The following MB variants were observed in gnomAD, a reference collection of about 807,000 sequenced individuals.
The protein encoded by MB is nitrite reductase MB.
MB carries 10 observed loss-of-function variants against 14.5 expected under a neutral mutation model. The observed-to-expected ratio is 0.69, with a 90% CI of 0.43 to 1.17. MB has a LOEUF of 1.17. Among genes scored for constraint, MB ranks in the 50% most tolerant of loss-of-function variants. MB has a pLI of 0.00. For synonymous variants in MB, 89 were observed against 78.6 expected (o/e 1.13, Z -0.70); for missense variants, 169 against 192.7 (o/e 0.88, Z 0.73).
intron 1 of MB, 88 bp from the exon 2 acceptor site, chr22:35,611,194 T>C: frequency 1.1e-6 from 1 of 901,198 alleles, no homozygotes; most frequent in Non-Finnish European, 1.8e-6. Context: ...TTTAGCTCCC[T>C]GTCTTCCCAG....
intron 1 of MB, among the ~76,000 whole-genome samples, chr22:35,613,516 G>A (rs529182806): frequency 6.6e-6 from 1 of 152,264 alleles, no homozygotes; most frequent in East Asian, 1.9e-4. Context: ...ATTTTTTTGA[G>A]ACACGGTATT....
intron 1 of MB, among the ~76,000 whole-genome samples, chr22:35,616,116 A>G (rs927472907): frequency 1.3e-5 from 2 of 152,216 alleles, no homozygotes; most frequent in African/African-American, 4.8e-5. Context: ...AGTGCCAAAG[A>G]CAATCCATTC....
intron 1 of MB, chr22:35,622,367 C>T (rs1247926884): frequency 6.6e-6 from 1 of 152,312 alleles, no homozygotes; most frequent in Admixed American, 6.5e-5. Flanking sequence ...GTTGCAGGAC[C>T]TGCTCAAGGC....
Position 35,610,896 on chromosome 22 carries a change from C to A in MB, c.306G>T (p.Val102=). ...QSHATKHKIP[V]KYLEFISECI... ...GCTCTGCTCCTACCTCCAGGTACTTCACGGGGATCTTGTGCTTGGTGGCAT... is the reference window on the plus strand; with the variant it reads ...GCTCTGCTCCTACCTCCAGGTACTTAACGGGGATCTTGTGCTTGGTGGCAT... The change falls in exon 2 of 3, where the codon GTG becomes GTT. Residue 102 remains valine, a synonymous_variant. Coordinates refer to ENST00000397326, the MANE Select transcript of MB (RefSeq NM_005368.3). 1 of 1,613,974 alleles carries A rather than the reference C, an allele frequency of 6.2e-7. No individual in the cohort carries two copies. Among genetic ancestry groups the A allele is most frequent in the Non-Finnish European group, 8.5e-7 (1 of 1,179,938 alleles).
intron 1 of MB, among the ~76,000 whole-genome samples, chr22:35,613,199 G>A (rs1235952240): frequency 6.6e-6 from 1 of 152,274 alleles, no homozygotes; most frequent in African/African-American, 2.4e-5. Context: ...TCAGGACGCT[G>A]AAAGCAGACT....
intron 2 of MB, 71 bp from the exon 3 acceptor site, chr22:35,607,514 G>A (rs542442158): frequency 6.8e-7 from 1 of 1,466,620 alleles, no homozygotes. Context: ...GGAGTCAGTT[G>A]TCCTCCTACC....
At chr22:35,611,132 C>T (rs552015596) in intron 1 of MB, 26 bp from the exon 2 acceptor site, 21 of 1,572,580 alleles carry the variant, frequency 1.3e-5, no homozygotes, top group South Asian at 5.6e-5. Context: ...AGGCTGGAGT[C>T]GGCATGGGAG....
chr22:35,609,387 A>G (rs1922403592), intron 2 of MB, among the ~76,000 whole-genome samples: 1 of 152,222 alleles, frequency 6.6e-6, no homozygotes, highest in Non-Finnish European at 1.5e-5. Context: ...GTGGATGAAC[A>G]GGGATTTGCA....
Position 35,608,769 on chromosome 22 carries a change from C to T in MB, c.319-1326G>A, listed in dbSNP as rs1922344652. Among the ~76,000 whole-genome samples the T allele has an allele frequency of 6.6e-6, 1 of 152,216 alleles. No homozygotes were observed. Among genetic ancestry groups the T allele is most frequent in the Non-Finnish European group, 1.5e-5 (1 of 68,034 alleles). ...GGCCTGGTTGGGCCCCCAGCTCAGA[C>T]TTTCTGGAGTCCATGGCAGAGCCAC... On this transcript the variant is annotated intron_variant, in intron 2 of 2. Coordinates refer to ENST00000397326, the MANE Select transcript of MB (RefSeq NM_005368.3). The surrounding 1 kb of genome is among the most constrained non-coding windows in gnomAD (Gnocchi z 4.3).
chr22:35,614,710 T>C (rs1279272997), intron 1 of MB, among the ~76,000 whole-genome samples: 2 of 147,600 alleles, frequency 1.4e-5, no homozygotes, highest in African/African-American at 5.1e-5. Flanking sequence ...ATGGTTGCTG[T>C]CTTTCTCCTC....
chr22:35,607,768 G>A (rs1003953366), intron 2 of MB, among the ~76,000 whole-genome samples: 109 of 152,328 alleles, frequency 7.2e-4, no homozygotes, highest in African/African-American at 2.5e-3. Context: ...CCATCAGGAT[G>A]TAGACCCCAC....
At chr22:35,616,334 G>C (rs908006655) in intron 1 of MB, among the ~76,000 whole-genome samples, 3 of 152,092 alleles carry the variant, frequency 2.0e-5, no homozygotes, top group Non-Finnish European at 2.9e-5. Flanking sequence ...TCAGAATTTT[G>C]TTTTCTTTGG....
In MB at chr22:35,615,876, A is replaced by T. The variant is rs556736555; in HGVS notation, c.95+1287T>A. ...AGGAGAAGAAAGACATAAACACACT[A>T]CGATGCCATTACAGTCAACAGAAAA... On this transcript the variant is annotated intron_variant, in intron 1 of 2. Transcript: ENST00000397326. 1.3e-3 allele frequency among the ~76,000 whole-genome samples: 196 copies of T among 152,284 alleles called. 1 individual carries two copies. The highest frequency in any genetic ancestry group is 4.6e-3 in the African/African-American group (192 of 41,562).
intron 2 of MB, among the ~76,000 whole-genome samples, chr22:35,607,749 C>T (rs1350255157): frequency 1.3e-5 from 2 of 152,156 alleles, no homozygotes; most frequent in Admixed American, 1.3e-4. Flanking sequence ...ACTCACAGCC[C>T]CCTCCACTCC....
chr22:35,609,397 A>T (rs1008724866), intron 2 of MB, among the ~76,000 whole-genome samples: 2 of 152,220 alleles, frequency 1.3e-5, no homozygotes, highest in Non-Finnish European at 2.9e-5. Context: ...AGGGATTTGC[A>T]GAGAGAAGAT....
chr22:35,617,387 C>T (rs572557925), upstream of MB: 20 of 645,804 alleles, frequency 3.1e-5, 1 homozygote, highest in African/African-American at 2.7e-4. Flanking sequence ...ACAAAGATCG[C>T]TCAATGGCTC....
intron 1 of MB, among the ~76,000 whole-genome samples, chr22:35,611,709 C>A (rs1199104095): frequency 1.3e-5 from 2 of 152,204 alleles, no homozygotes; most frequent in African/African-American, 4.8e-5. Flanking sequence ...GCAACTCAAC[C>A]CAGCCCTGAG....
Position 35,608,193 on chromosome 22 carries a change from A to G in MB, c.319-750T>C, listed in dbSNP as rs1922301914. ...GATGTAGCATGGTGCTGCTTTAGGG[A>G]TGGAAAGACTCATGGATGTGAAATG... On this transcript the variant is annotated intron_variant, in intron 2 of 2. Transcript: ENST00000397326. This position sits in a 1 kb window ranked among gnomAD's most constrained non-coding sequence, Gnocchi z 4.3. 6.6e-6 allele frequency among the ~76,000 whole-genome samples: 1 copy of G among 152,184 alleles called. No individual in the cohort carries two copies. The highest frequency in any genetic ancestry group is 2.4e-5 in the African/African-American group (1 of 41,450).
chr22:35,612,750 T>C (rs1922737715), intron 1 of MB, among the ~76,000 whole-genome samples: 1 of 152,164 alleles, frequency 6.6e-6, no homozygotes, highest in South Asian at 2.1e-4. Flanking sequence ...TATTCGGACT[T>C]TGTTATTGTT....
Sources: allele counts gnomAD v4.1 joint callset (sites outside exome capture counted in the v4.1 genomes callset), GRCh38; gene constraint gnomAD v4.1.1; non-coding constraint Gnocchi (gnomAD v3.1); transcripts MANE v1.5; gene names NCBI Gene and HGNC (gene_info 2026-07-23, HGNC 2026-07-21).